Variants in THEMIS observed in about 807,000 individuals in gnomAD.
The protein encoded by THEMIS is thymocyte selection associated.
In THEMIS, 37 loss-of-function variants were observed where a neutral mutation model predicts 52.6. That is an observed-to-expected ratio of 0.70 (90% CI 0.54 to 0.93). The LOEUF is 0.93. Among genes scored for constraint, THEMIS ranks in the 40% least tolerant of loss-of-function variants. The pLI is 0.00. For synonymous variants in THEMIS, 292 were observed against 272.7 expected, an observed-to-expected ratio of 1.07 and a Z score of -0.70; for missense variants, 808 against 763.1, an observed-to-expected ratio of 1.06 and a Z score of -0.69.
chr6:127,829,432 A>G (rs773025221), intron 3 of THEMIS, 44 bp downstream of exon 3: 7 of 1,492,086 alleles, frequency 4.7e-6, no homozygotes, highest in Middle Eastern at 1.8e-4. Context: ...CCCAAACCCC[A>G]TAATGCTCAT....
Position 127,813,395 on chromosome 6 carries a change from T to C in THEMIS, c.1246A>G (p.Ile416Val), listed in dbSNP as rs200995834. Residue 416 changes from isoleucine (I) to valine (V), a missense_variant, in exon 4 of 6, where the codon ATC (isoleucine) becomes GTC (valine). Coordinates refer to ENST00000368248, the MANE Select transcript of THEMIS (RefSeq NM_001010923.3). The part of the protein sequence containing the change: ...KVVNVLACEK[I>V]LKKSYEAALL... ...GCAGCCTCATAGGACTTTTTGAGGA[T>C]TTTTTCACAGGCCAGAACATTCACC... The C allele has an allele frequency of 1.9e-5, 30 of 1,613,510 alleles. No individual in the cohort carries two copies. Among genetic ancestry groups the C allele is most frequent in the Non-Finnish European group, 2.4e-5 (28 of 1,179,796 alleles).
intron 1 of THEMIS, among the ~76,000 whole-genome samples, chr6:127,859,381 T>G (rs181144930): frequency 1.3e-5 from 2 of 152,306 alleles, no homozygotes; most frequent in East Asian, 3.9e-4. Flanking sequence ...GTGATTATTA[T>G]CACTCTTTCA....
chr6:127,829,271 A>G (rs1778612056), intron 3 of THEMIS, among the ~76,000 whole-genome samples: 1 of 152,202 alleles, frequency 6.6e-6, no homozygotes, highest in Admixed American at 6.5e-5. Flanking sequence ...GCACCATACA[A>G]TTTACAACAT....
downstream of THEMIS, among the ~76,000 whole-genome samples, chr6:127,707,245 TG>T (rs1250764897): frequency 1.3e-5 from 2 of 152,032 alleles, no homozygotes; most frequent in African/African-American, 2.4e-5. Context: ...GAGATTTAGA[TG>T]GGGACACATC....
At chr6:127,807,592 T>C (rs2114585540) in intron 4 of THEMIS, among the ~76,000 whole-genome samples, 1 of 152,298 alleles carries the variant, frequency 6.6e-6, no homozygotes, top group East Asian at 1.9e-4. Flanking sequence ...TAATCTTCCC[T>C]ATTCAGAGGG....
chr6:127,843,641 A>G (rs1779122204), intron 2 of THEMIS, among the ~76,000 whole-genome samples: 1 of 151,948 alleles, frequency 6.6e-6, no homozygotes, highest in African/African-American at 2.4e-5. Flanking sequence ...GATGGTGCCC[A>G]GTTATTTCTC....
intron 4 of THEMIS, among the ~76,000 whole-genome samples, chr6:127,761,212 G>A (rs973641968): frequency 1.3e-5 from 2 of 151,978 alleles, no homozygotes; most frequent in African/African-American, 4.8e-5. Context: ...GCCAAGTGTT[G>A]GCAAGGATGT....
At chr6:127,899,903 T>A (rs1562329551) in intron 1 of THEMIS, among the ~76,000 whole-genome samples, 1 of 144,540 alleles carries the variant, frequency 6.9e-6, no homozygotes, top group Admixed American at 7.0e-5. Context: ...TGTGTATATT[T>A]TATATATATA....
At chr6:127,794,543 G>A (rs1219598221) in intron 4 of THEMIS, among the ~76,000 whole-genome samples, 1 of 152,106 alleles carries the variant, frequency 6.6e-6, no homozygotes, top group Admixed American at 6.6e-5. Flanking sequence ...GTCCATGCTG[G>A]TCTTCTACTT....
chr6:127,849,787 GTTTTGGAAGATAACA>G (rs1436332252), intron 2 of THEMIS, among the ~76,000 whole-genome samples: 1 of 151,854 alleles, frequency 6.6e-6, no homozygotes, highest in Non-Finnish European at 1.5e-5. Flanking sequence ...AAACCATAAA[GTTTTGGAAGATAACA>G]TCAGAAAAAT....
rs1435259099 is a variant in THEMIS at position 127,709,639 on chromosome 6, G to A, written c.*346C>T. 2 of 200,566 alleles carry A rather than the reference G, an allele frequency of 1.0e-5. No homozygotes were observed. Among genetic ancestry groups the A allele is most frequent in the Non-Finnish European group, 2.0e-5 (2 of 100,692 alleles). 12.4% of individuals were successfully genotyped at this position (200,566 alleles called of 1,614,324 possible). ...GGTGGCTTTTATCCTATTTCAGACT[G>A]GTTTTACTCAGAAACTGAAATACAG... On this transcript the variant is annotated 3_prime_UTR_variant, in exon 6 of 6. Coordinates refer to ENST00000368248, the MANE Select transcript of THEMIS (RefSeq NM_001010923.3).
intron 4 of THEMIS, among the ~76,000 whole-genome samples, chr6:127,731,775 G>A (rs915535203): frequency 7.2e-6 from 1 of 138,766 alleles, no homozygotes; most frequent in African/African-American, 2.7e-5. Flanking sequence ...TTGGCTCACT[G>A]CAACCTCTGC....
intron 4 of THEMIS, among the ~76,000 whole-genome samples, chr6:127,721,824 T>C (rs1472219234): frequency 6.6e-6 from 1 of 152,036 alleles, no homozygotes; most frequent in Non-Finnish European, 1.5e-5. Flanking sequence ...TAAATCACAG[T>C]TTCTCAGAAC....
intron 1 of THEMIS, among the ~76,000 whole-genome samples, chr6:127,883,635 T>C (rs1344283835): frequency 6.6e-6 from 1 of 152,094 alleles, no homozygotes; most frequent in African/African-American, 2.4e-5. Flanking sequence ...ACCTATTCAG[T>C]AGAAACCATA....
chr6:127,887,546 G>A (rs1780682594), intron 1 of THEMIS, among the ~76,000 whole-genome samples: 1 of 152,070 alleles, frequency 6.6e-6, no homozygotes, highest in Non-Finnish European at 1.5e-5. Flanking sequence ...AAATACTGAT[G>A]TATGCTACAA....
intron 1 of THEMIS, among the ~76,000 whole-genome samples, chr6:127,896,228 CT>C (rs1039777965): frequency 1.3e-5 from 2 of 150,830 alleles, no homozygotes; most frequent in African/African-American, 2.4e-5. Flanking sequence ...ATACAGAGAT[CT>C]TTTTTTTATC....
downstream of THEMIS, among the ~76,000 whole-genome samples, chr6:127,703,810 A>G (rs1430912487): frequency 6.6e-6 from 1 of 152,196 alleles, no homozygotes; most frequent in East Asian, 1.9e-4. Context: ...ATTGCACTAT[A>G]TTTGTTCTGG....
chr6:127,863,015 C>A (rs1317420653), intron 1 of THEMIS, among the ~76,000 whole-genome samples: 1 of 152,064 alleles, frequency 6.6e-6, no homozygotes, highest in Non-Finnish European at 1.5e-5. Context: ...AGATTTTAAT[C>A]CTTAAATTGG....
At chr6:127,804,177 C>T (rs1172443164) in intron 4 of THEMIS, among the ~76,000 whole-genome samples, 1 of 151,848 alleles carries the variant, frequency 6.6e-6, no homozygotes, top group African/African-American at 2.4e-5. Context: ...CAGAGAAGAG[C>T]TACCAAAAAA....
Sources: allele counts gnomAD v4.1 joint callset (sites outside exome capture counted in the v4.1 genomes callset), GRCh38; gene constraint gnomAD v4.1.1; transcripts MANE v1.5; gene names NCBI Gene and HGNC (gene_info 2026-07-23, HGNC 2026-07-21).